EEFSEC: variants seen among roughly 807,000 people sequenced by gnomAD.
EEFSEC encodes eukaryotic elongation factor, selenocysteine-tRNA specific, also known as selenocysteine-specific elongation factor.
In EEFSEC, 43 loss-of-function variants were observed where a neutral mutation model predicts 42.1. The ratio of observed to expected loss-of-function variants is 1.02; its 90% CI spans 0.80 to 1.32. The LOEUF (loss-of-function observed/expected upper bound fraction) is 1.32. EEFSEC is among the 40% of genes most tolerant of loss of function. EEFSEC has a pLI of 0.00. For missense variants in EEFSEC, 745 were observed against 803.6 expected, an observed-to-expected ratio of 0.93 and a Z score of 0.88; for synonymous variants, 354 against 339.1, an observed-to-expected ratio of 1.04 and a Z score of -0.48.
chr3:128,243,103 C>G (rs2066089787), intron 1 of EEFSEC, among the ~76,000 whole-genome samples: 2 of 152,172 alleles, frequency 1.3e-5, no homozygotes, highest in South Asian at 4.1e-4. Flanking sequence ...GGTGATGACC[C>G]CGGGTTTCCA....
At chr3:128,379,100 C>T (rs931765986) in intron 6 of EEFSEC, among the ~76,000 whole-genome samples, 1 of 152,194 alleles carries the variant, frequency 6.6e-6, no homozygotes, top group Admixed American at 6.5e-5. Context: ...GGATCTTGCC[C>T]CAGTGTCTGT....
At chr3:128,337,739 G>T (rs1371143875) in intron 4 of EEFSEC, among the ~76,000 whole-genome samples, 1 of 152,248 alleles carries the variant, frequency 6.6e-6, no homozygotes, top group Non-Finnish European at 1.5e-5. Flanking sequence ...TCGGGATTTA[G>T]AAGGGAAGAG....
intron 1 of EEFSEC, among the ~76,000 whole-genome samples, chr3:128,172,492 G>A (rs768308250): frequency 6.6e-6 from 1 of 152,166 alleles, no homozygotes; most frequent in Non-Finnish European, 1.5e-5. Flanking sequence ...AGAGCCAAGC[G>A]CTTGCTGTGT....
chr3:128,273,095 T>G (rs2811416), intron 4 of EEFSEC, among the ~76,000 whole-genome samples: 3 of 152,146 alleles, frequency 2.0e-5, no homozygotes, highest in African/African-American at 7.2e-5. Flanking sequence ...ATCACCACCC[T>G]GTACAACTCT....
intron 1 of EEFSEC, among the ~76,000 whole-genome samples, chr3:128,240,129 CCTT>C (rs1012743822): frequency 3.9e-5 from 6 of 152,344 alleles, no homozygotes; most frequent in African/African-American, 1.4e-4. Context: ...TGACCGCCCT[CCTT>C]CTCTCCTCCC....
Position 128,264,798 on chromosome 3 carries a change from C to T in EEFSEC, c.786+17C>T, listed in dbSNP as rs747175826. 6.2e-7 allele frequency: 1 copy of T among 1,610,236 alleles called. No homozygotes were observed. The highest frequency in any genetic ancestry group is 2.2e-5 in the East Asian group (1 of 44,786). On this transcript the variant is annotated intron_variant, in intron 4 of 6. Transcript: ENST00000254730. ...GCCCTCAAGGTCAGTCTTACCTTGTCTTCCCTTCTGGCCTCCTCGCTGGCA... is the reference window on the plus strand; with the variant it reads ...GCCCTCAAGGTCAGTCTTACCTTGTTTTCCCTTCTGGCCTCCTCGCTGGCA...
intron 6 of EEFSEC, among the ~76,000 whole-genome samples, chr3:128,397,864 TAG>T (rs1425897032): frequency 6.6e-6 from 1 of 152,242 alleles, no homozygotes; most frequent in Non-Finnish European, 1.5e-5. Context: ...TTCCTCCTCC[TAG>T]TTCTGGGCAG....
rs367976393 is a variant in EEFSEC at position 128,341,581 on chromosome 3, T to C, written c.1135T>C (p.Tyr379His). 1.9e-6 allele frequency: 3 copies of C among 1,613,858 alleles called. No homozygotes were observed. In the African/African-American group the frequency reaches 4.0e-5, roughly 22 times the overall value. The change falls in exon 5 of 7, where the codon TAC becomes CAC. Residue 379 changes from tyrosine to histidine, a missense_variant. Transcript: ENST00000254730. ...FSQEYLFQEQ[Y>H]LSKDLTPAVT... ...TCAAGAATACCTTTTCCAGGAGCAG[T>C]ACCTGTCCAAGGATTTGACACCAGC...
rs187895280 is a variant in EEFSEC at position 128,262,264 on chromosome 3, C to A, written c.621+40C>A. 23 of 1,575,234 alleles carry A rather than the reference C, an allele frequency of 1.5e-5. No individual in the cohort carries two copies. The African/African-American group carries it at 3.0e-4, about 20-fold the overall frequency. ...AATCCAGGTTGCCCTTTAGCCCCAG[C>A]GCTGCTCAGGCCAGCCCCTTTGTGT... On this transcript the variant is annotated intron_variant, in intron 3 of 6. Coordinates refer to ENST00000254730, the MANE Select transcript of EEFSEC (RefSeq NM_021937.5).
At chr3:128,418,740 T>C in the EEFSEC span, among the ~76,000 whole-genome samples, 2 of 152,070 alleles carry the variant, frequency 1.3e-5, no homozygotes, top group East Asian at 3.9e-4. Context: ...GCCCTGACTC[T>C]GCCTAGCACC....
intron 1 of EEFSEC, among the ~76,000 whole-genome samples, chr3:128,218,430 A>C (rs1326141143): frequency 1.3e-5 from 2 of 152,226 alleles, no homozygotes; most frequent in Non-Finnish European, 2.9e-5. Flanking sequence ...TTTTTGTCTT[A>C]GTTGCTTTAA....
the EEFSEC span, among the ~76,000 whole-genome samples, chr3:128,421,339 AG>A: frequency 2.6e-5 from 4 of 152,084 alleles, no homozygotes; most frequent in Non-Finnish European, 5.9e-5. Context: ...AGCGTGAACG[AG>A]GGGGTCAGGT....
At chr3:128,246,799 C>A in intron 1 of EEFSEC, 37 bp from the exon 2 acceptor site, 1 of 1,608,630 alleles carries the variant, frequency 6.2e-7, no homozygotes, top group Non-Finnish European at 8.5e-7. Flanking sequence ...GCTCACCACC[C>A]CTTTTCCCTT....
intron 1 of EEFSEC, among the ~76,000 whole-genome samples, chr3:128,199,979 C>T (rs2065626436): frequency 6.6e-6 from 1 of 152,154 alleles, no homozygotes; most frequent in African/African-American, 2.4e-5. Context: ...GGTGATCCAC[C>T]CATCTCGGCC....
chr3:128,170,789 C>A (rs1218867930), intron 1 of EEFSEC, among the ~76,000 whole-genome samples: 1 of 152,144 alleles, frequency 6.6e-6, no homozygotes, highest in Non-Finnish European at 1.5e-5. Context: ...TTAATAGTTT[C>A]TAAAAGTTTT....
At chr3:128,423,136 G>A in the EEFSEC span, among the ~76,000 whole-genome samples, 5 of 152,300 alleles carry the variant, frequency 3.3e-5, no homozygotes, top group African/African-American at 9.6e-5. Flanking sequence ...CACACAGCAG[G>A]TGCTCATTAA....
At chr3:128,412,422 C>T (rs2068180337), downstream of EEFSEC, among the ~76,000 whole-genome samples, 1 of 152,228 alleles carries the variant, frequency 6.6e-6, no homozygotes, top group Non-Finnish European at 1.5e-5. Flanking sequence ...GACAGCCTCC[C>T]AGCTCCTAGT....
intron 5 of EEFSEC, among the ~76,000 whole-genome samples, chr3:128,357,425 A>G (rs760589325): frequency 3.2e-4 from 48 of 152,232 alleles, no homozygotes; most frequent in Non-Finnish European, 6.6e-4. Flanking sequence ...AGCAGGAGGT[A>G]TGAGCTCTGC....
intron 1 of EEFSEC, among the ~76,000 whole-genome samples, chr3:128,220,637 C>G (rs1039456496): frequency 1.3e-5 from 2 of 152,170 alleles, no homozygotes; most frequent in African/African-American, 2.4e-5. Context: ...CCTTCTGCTC[C>G]CCACTTCTAA....
Sources: allele counts gnomAD v4.1 joint callset (sites outside exome capture counted in the v4.1 genomes callset), GRCh38; gene constraint gnomAD v4.1.1; transcripts MANE v1.5; gene names NCBI Gene and HGNC (gene_info 2026-07-23, HGNC 2026-07-21).